Variants in API5 observed in about 807,000 individuals in gnomAD.
API5 encodes apoptosis inhibitor 5.
Under a neutral mutation model 71.9 loss-of-function variants are expected in API5, and 6 were observed. That is an observed-to-expected ratio of 0.08 (90% CI 0.05 to 0.16). API5 has a LOEUF of 0.16. Ranked by LOEUF, API5 falls within the 10% of genes least tolerant of loss-of-function variation. The pLI, the probability that API5 is intolerant of heterozygous loss-of-function variation, is 1.00. For synonymous variants in API5, 189 were observed against 221.3 expected (o/e 0.85, Z 1.30); for missense variants, 332 against 612.8 (o/e 0.54, Z 4.84).
At chr11:43,342,366 TC>T (rs1490810220) in intron 13 of API5, 61 bp from the exon 14 acceptor site, 9 of 1,416,792 alleles carry the variant, frequency 6.4e-6, no homozygotes, top group African/African-American at 1.4e-5. Context: ...CTACGTTTCT[TC>T]TGCGTTTGCT....
At chr11:43,334,410 CAT>C (rs1452918953) in intron 11 of API5, among the ~76,000 whole-genome samples, 1 of 152,090 alleles carries the variant, frequency 6.6e-6, no homozygotes, top group Non-Finnish European at 1.5e-5. Flanking sequence ...AAACCTCAAG[CAT>C]TTTTTATTCA....
At chr11:43,339,481 G>A (rs953057240) in intron 13 of API5, 1 of 152,088 alleles carries the variant, frequency 6.6e-6, no homozygotes, top group Non-Finnish European at 1.5e-5. Flanking sequence ...TGATAACTTC[G>A]ATCAGTTTTC....
In API5 at chr11:43,336,722, G is replaced by A. The variant is rs567804895; in HGVS notation, c.1492+728G>A. On this transcript the variant is annotated intron_variant, in intron 13 of 13. Coordinates refer to ENST00000531273, the MANE Select transcript of API5 (RefSeq NM_001142930.2). ...TCCTTACCTTGCTTAAGAAGACAAAGTTTAGGCCGGGGGCAGTGGCTCAAG... is the reference window on the plus strand; with the variant it reads ...TCCTTACCTTGCTTAAGAAGACAAAATTTAGGCCGGGGGCAGTGGCTCAAG... 1.5e-4 allele frequency among the ~76,000 whole-genome samples: 23 copies of A among 152,228 alleles called. No individual in the cohort carries two copies. The South Asian group carries it at 1.9e-3, about 12-fold the overall frequency.
At chr11:43,312,517 C>T (rs988953772) in intron 1 of API5, among the ~76,000 whole-genome samples, 8 of 152,164 alleles carry the variant, frequency 5.3e-5, no homozygotes, top group African/African-American at 1.9e-4. Flanking sequence ...TTCTCTTAAG[C>T]CTTTCTCCTT....
intron 13 of API5, chr11:43,340,369 C>T (rs947606784): frequency 1.2e-5 from 2 of 161,672 alleles, no homozygotes; most frequent in African/African-American, 2.4e-5. Flanking sequence ...AAGTGATCTC[C>T]AGATTCAATA....
In API5 at chr11:43,344,166, G is replaced by A. The variant is rs1855710484; in HGVS notation, c.*1656G>A. On this transcript the variant is annotated 3_prime_UTR_variant, in exon 14 of 14. Coordinates refer to ENST00000531273, the MANE Select transcript of API5 (RefSeq NM_001142930.2). ...CCAGCTAATCTGGACCTCAGAGATA[G>A]ATCAGCCAGTGGCCCAAAGCCATTT... 1 of 152,646 alleles carries A rather than the reference G, an allele frequency of 6.6e-6. No homozygotes were observed. Among genetic ancestry groups the A allele is most frequent in the African/African-American group, 2.4e-5 (1 of 41,450 alleles). The allele number at this position is 152,646 out of a possible 1,614,324, so 9.5% of individuals were successfully genotyped here. A position where few individuals can be genotyped will look rare whatever the true frequency, so the allele number is the denominator to read the frequency against.
intron 13 of API5, among the ~76,000 whole-genome samples, chr11:43,341,578 G>A (rs1855616083): frequency 6.6e-6 from 1 of 152,146 alleles, no homozygotes; most frequent in African/African-American, 2.4e-5. Context: ...CATACTAGAG[G>A]CTGAGAAGAT....
At chr11:43,335,835 T>A in intron 12 of API5, 23 bp from the exon 13 acceptor site, 1 of 1,578,524 alleles carries the variant, frequency 6.3e-7, no homozygotes, top group Non-Finnish European at 8.6e-7. Flanking sequence ...GTTTTTGAAT[T>A]GCTCTTCTTC....
intron 11 of API5, among the ~76,000 whole-genome samples, chr11:43,331,510 ATATT>A (rs1855256912): frequency 6.6e-6 from 1 of 152,334 alleles, no homozygotes; most frequent in South Asian, 2.1e-4. Context: ...AGAAGAGAAA[ATATT>A]AAGTGGAAGT....
chr11:43,318,987 A>C, intron 2 of API5, 186 bp downstream of exon 2: 1 of 496,508 alleles, frequency 2.0e-6, no homozygotes, highest in Non-Finnish European at 3.5e-6. Flanking sequence ...AACACCTTTA[A>C]ATTATGAAAA....
At position 43,342,845 on chromosome 11, in the gene API5, C is replaced by T. The variant is rs535392643; in HGVS notation, c.*335C>T. The T allele has an allele frequency of 2.0e-5, 11 of 562,664 alleles. No individual in the cohort carries two copies. The highest frequency in any genetic ancestry group is 3.4e-5 in the Admixed American group (1 of 29,608). 34.9% of individuals were successfully genotyped at this position (562,664 alleles called of 1,614,324 possible). A position where few individuals can be genotyped will look rare whatever the true frequency, so the allele number is the denominator to read the frequency against. ...AAATGTAATGAAATTCAGTCTAGTT[C>T]TGCTGATAAAGATCATCAGTTTTGA... On this transcript the variant is annotated 3_prime_UTR_variant, in exon 14 of 14. Coordinates refer to ENST00000531273, the MANE Select transcript of API5 (RefSeq NM_001142930.2).
intron 11 of API5, among the ~76,000 whole-genome samples, chr11:43,332,915 C>G (rs1271055261): frequency 2.6e-5 from 4 of 152,084 alleles, no homozygotes; most frequent in Non-Finnish European, 5.9e-5. Flanking sequence ...TAGAGACTTT[C>G]CAAAAATCAC....
chr11:43,320,044 T>C (rs181080572), intron 2 of API5, among the ~76,000 whole-genome samples: 4,374 of 140,358 alleles, frequency 0.031, 67 homozygotes, highest in Middle Eastern at 0.075. Context: ...AATTCTCTCT[T>C]TTTTTTTTTT....
chr11:43,325,312 A>G (rs1373500775), intron 6 of API5, among the ~76,000 whole-genome samples: 1 of 152,230 alleles, frequency 6.6e-6, no homozygotes, highest in Non-Finnish European at 1.5e-5. Flanking sequence ...TGGTGGAAGA[A>G]TAGTGAAATC....
chr11:43,342,360 G>A (rs1267920955), intron 13 of API5, 68 bp from the exon 14 acceptor site: 18 of 1,358,742 alleles, frequency 1.3e-5, no homozygotes, highest in Middle Eastern at 1.9e-4. Flanking sequence ...TATGAGCTAC[G>A]TTTCTTCTGC....
chr11:43,338,378 T>C (rs982214750), intron 13 of API5, among the ~76,000 whole-genome samples: 1 of 152,176 alleles, frequency 6.6e-6, no homozygotes, highest in Non-Finnish European at 1.5e-5. Context: ...TACCCACGTT[T>C]AGTTTTCCTT....
chr11:43,312,966 G>T (rs1329886581), intron 1 of API5, among the ~76,000 whole-genome samples: 3 of 151,994 alleles, frequency 2.0e-5, no homozygotes, highest in Non-Finnish European at 4.4e-5. Context: ...AATTAGCCGG[G>T]CGTGGTGACA....
intron 6 of API5, among the ~76,000 whole-genome samples, chr11:43,324,151 G>A (rs1854990597): frequency 6.6e-6 from 1 of 152,108 alleles, no homozygotes; most frequent in Non-Finnish European, 1.5e-5. Context: ...CCAAGTAGCT[G>A]CTACTACAGT....
At chr11:43,317,200 A>T (rs1405321534) in intron 1 of API5, among the ~76,000 whole-genome samples, 5 of 152,152 alleles carry the variant, frequency 3.3e-5, no homozygotes, top group Non-Finnish European at 5.9e-5. Context: ...TTTTCCAGTT[A>T]CTAAGTTTTA....
Sources: allele counts gnomAD v4.1 joint callset (sites outside exome capture counted in the v4.1 genomes callset), GRCh38; gene constraint gnomAD v4.1.1; transcripts MANE v1.5; gene names NCBI Gene and HGNC (gene_info 2026-07-23, HGNC 2026-07-21).